The following LRRIQ1 variants were observed in gnomAD, a reference collection of about 807,000 sequenced individuals.
LRRIQ1 encodes the protein leucine-rich repeat- and IQ domain-containing protein 1.
Under a neutral mutation model 211.9 loss-of-function variants are expected in LRRIQ1, and 210 were observed. The observed-to-expected ratio is 0.99, with a 90% confidence interval of 0.89 to 1.11. The LOEUF (loss-of-function observed/expected upper bound fraction) is 1.11. LRRIQ1 is among the 50% of genes most tolerant of loss of function. The probability of loss-of-function intolerance (pLI) is 0.00; values close to 1 mark genes in which losing one functional copy is unlikely to be tolerated. For synonymous variants in LRRIQ1, 699 were observed against 650.1 expected, an observed-to-expected ratio of 1.08 and a Z score of -1.14; for missense variants, 2,136 against 1,939.5, an observed-to-expected ratio of 1.10 and a Z score of -1.90.
intron 24 of LRRIQ1, among the ~76,000 whole-genome samples, chr12:85,209,299 C>G (rs927412755): frequency 2.0e-5 from 3 of 152,152 alleles, no homozygotes; most frequent in African/African-American, 7.2e-5. Context: ...AAACACATCC[C>G]TCTTCACATG....
At chr12:85,253,024 TAAA>T (rs1180890633) in intron 1 of LRRIQ1, among the ~76,000 whole-genome samples, 1 of 151,748 alleles carries the variant, frequency 6.6e-6, no homozygotes, top group African/African-American at 2.4e-5. Context: ...TTTTCAAAAA[TAAA>T]AAAAAGTAAT....
At chr12:85,220,186 AC>A (rs1183272249) in intron 24 of LRRIQ1, among the ~76,000 whole-genome samples, 4 of 152,134 alleles carry the variant, frequency 2.6e-5, no homozygotes, top group African/African-American at 9.7e-5. Context: ...TCCTCCAAAA[AC>A]TTTTGGTAAG....
exon 2 of LRRIQ1, chr12:85,263,479 G>A (rs948383802): frequency 4.6e-5 from 7 of 151,916 alleles, no homozygotes; most frequent in South Asian, 2.1e-4. Flanking sequence ...TTAGATTATC[G>A]TACTTGAGTA....
intron 24 of LRRIQ1, among the ~76,000 whole-genome samples, chr12:85,175,773 C>A (rs1891669643): frequency 6.6e-6 from 1 of 152,084 alleles, no homozygotes; most frequent in Admixed American, 6.6e-5. Flanking sequence ...ATCCTTTCCC[C>A]ATTGCTTGTT....
chr12:85,088,175 T>A (rs1885019770), intron 11 of LRRIQ1, among the ~76,000 whole-genome samples: 1 of 152,212 alleles, frequency 6.6e-6, no homozygotes, highest in Non-Finnish European at 1.5e-5. Flanking sequence ...GCTAGTCAGT[T>A]TTCCCAGCAC....
At chr12:85,201,012 G>A (rs1893263391) in intron 24 of LRRIQ1, among the ~76,000 whole-genome samples, 1 of 151,214 alleles carries the variant, frequency 6.6e-6, no homozygotes, top group East Asian at 1.9e-4. Flanking sequence ...TGTATTTTTA[G>A]TATAGACAGG....
At chr12:85,073,528 A>G (rs1883320815) in intron 11 of LRRIQ1, among the ~76,000 whole-genome samples, 1 of 152,076 alleles carries the variant, frequency 6.6e-6, no homozygotes, top group South Asian at 2.1e-4. Flanking sequence ...AAAAAAAGAA[A>G]TGCTTGAATT....
intron 17 of LRRIQ1, among the ~76,000 whole-genome samples, chr12:85,125,706 A>G (rs1161847735): frequency 2.0e-5 from 3 of 152,170 alleles, no homozygotes; most frequent in Admixed American, 1.3e-4. Context: ...TTTAATATTT[A>G]TCAAAAGTGG....
rs1267904160 is a variant in LRRIQ1 at position 85,047,483 on chromosome 12, T to G, written c.678+13T>G. On this transcript the variant is annotated intron_variant, in intron 6 of 26. Coordinates refer to ENST00000393217, the MANE Select transcript of LRRIQ1 (RefSeq NM_001079910.2). ...GAACATTCAGAAGGTATTTTGCTTT[T>G]GTTTTTCATGTATTTTTAAAATCAG... 2 of 1,597,814 alleles carry G rather than the reference T, an allele frequency of 1.3e-6. No homozygotes were observed. The highest frequency in any genetic ancestry group is 2.7e-5 in the African/African-American group (2 of 74,100).
intron 15 of LRRIQ1, among the ~76,000 whole-genome samples, chr12:85,109,427 C>T (rs1480274240): frequency 6.6e-6 from 1 of 151,988 alleles, no homozygotes; most frequent in African/African-American, 2.4e-5. Context: ...TTCTTTAGAG[C>T]CAGGTTTCCA....
chr12:85,054,936 G>A (rs1880802093), intron 7 of LRRIQ1, among the ~76,000 whole-genome samples: 1 of 151,910 alleles, frequency 6.6e-6, no homozygotes, highest in East Asian at 1.9e-4. Context: ...TAGGACTCTA[G>A]TAAAAATAAT....
intron 15 of LRRIQ1, among the ~76,000 whole-genome samples, chr12:85,110,655 A>G (rs555608741): frequency 1.3e-5 from 2 of 152,270 alleles, no homozygotes; most frequent in South Asian, 4.1e-4. Flanking sequence ...GACAAGGAGA[A>G]ACGGCCTTGG....
At chr12:85,078,442 A>G (rs1048704544) in intron 11 of LRRIQ1, among the ~76,000 whole-genome samples, 2 of 152,178 alleles carry the variant, frequency 1.3e-5, no homozygotes, top group Non-Finnish European at 2.9e-5. Flanking sequence ...AACTCAGGAC[A>G]GCCTACTTCA....
intron 18 of LRRIQ1, 142 bp downstream of exon 18, chr12:85,128,175 G>T: frequency 1.4e-6 from 1 of 738,326 alleles, no homozygotes; most frequent in Non-Finnish European, 2.2e-6. Context: ...CATGTTGGCT[G>T]CAGGTTAGCT....
intron 24 of LRRIQ1, among the ~76,000 whole-genome samples, chr12:85,229,244 T>C (rs574932327): frequency 6.6e-6 from 1 of 152,294 alleles, no homozygotes; most frequent in East Asian, 1.9e-4. Flanking sequence ...CTCTGATTTT[T>C]CTAATTAAAA....
At chr12:85,206,712 C>T (rs1031199739) in intron 24 of LRRIQ1, among the ~76,000 whole-genome samples, 8 of 151,974 alleles carry the variant, frequency 5.3e-5, no homozygotes, top group Admixed American at 2.0e-4. Context: ...ATCAGGTGCA[C>T]TCTGCCAGCA....
intron 24 of LRRIQ1, among the ~76,000 whole-genome samples, chr12:85,180,724 A>G (rs1359818309): frequency 6.6e-6 from 1 of 151,960 alleles, no homozygotes; most frequent in Non-Finnish European, 1.5e-5. Context: ...TACAAGTTCA[A>G]TGAATGTATT....
chr12:85,171,369 CA>C (rs1231909962), intron 24 of LRRIQ1, among the ~76,000 whole-genome samples: 3 of 151,846 alleles, frequency 2.0e-5, no homozygotes, highest in African/African-American at 4.8e-5. Context: ...GAATATTTAC[CA>C]AAAGTGAAGA....
intron 24 of LRRIQ1, among the ~76,000 whole-genome samples, chr12:85,220,088 A>T (rs536616392): frequency 3.3e-4 from 51 of 152,292 alleles, no homozygotes; most frequent in African/African-American, 1.2e-3. Context: ...AGTATTGCCG[A>T]CATAAGATAC....
Sources: allele counts gnomAD v4.1 joint callset (sites outside exome capture counted in the v4.1 genomes callset), GRCh38; gene constraint gnomAD v4.1.1; transcripts MANE v1.5; gene names NCBI Gene and HGNC (gene_info 2026-07-23, HGNC 2026-07-21).